The following PVT1 variants were observed in gnomAD, a reference collection of about 807,000 sequenced individuals.
PVT1 encodes CXCR4/PVT1 fusion.
At chr8:127,822,612 T>C (rs903837962) in intron 2 of PVT1, among the ~76,000 whole-genome samples, 3 of 151,926 alleles carry the variant, frequency 2.0e-5, no homozygotes, top group Admixed American at 6.6e-5. Context: ...TTCAATGCAG[T>C]GATTATTAGA....
intron 4 of PVT1, among the ~76,000 whole-genome samples, chr8:128,052,470 G>A (rs1191287703): frequency 1.3e-5 from 2 of 152,164 alleles, no homozygotes; most frequent in Non-Finnish European, 2.9e-5. Context: ...GCTCCACCCA[G>A]CTGCTGTAAT....
rs115703279 is a variant in PVT1, at chr8:128,037,770, G to T, written n.913-32390G>T. Among the ~76,000 whole-genome samples, 1,269 of 152,276 alleles carry T rather than the reference G, an allele frequency of 8.3e-3. 16 individuals carry two copies. The highest frequency in any genetic ancestry group is 0.029 in the African/African-American group (1,217 of 41,560). On this transcript the variant is annotated intron_variant and non_coding_transcript_variant, in intron 4 of 10. Coordinates refer to ENST00000651587, the Ensembl canonical transcript of PVT1. ...CCAGGTAAACACAAATGCTGCTCGC[G>T]TTGGTGGCTTAGAGCCCAGCAGCAC...
At chr8:127,983,509 G>GA (rs1012855955) in intron 3 of PVT1, among the ~76,000 whole-genome samples, 66 of 152,060 alleles carry the variant, frequency 4.3e-4, no homozygotes, top group African/African-American at 1.5e-3. Flanking sequence ...AAAACTTGCA[G>GA]AAAAAAATTA....
chr8:127,810,671 T>C (rs905781313), intron 2 of PVT1, among the ~76,000 whole-genome samples: 8 of 152,242 alleles, frequency 5.3e-5, no homozygotes. Flanking sequence ...ATGAAATGAT[T>C]CTTCCAGACT....
At chr8:128,047,578 C>A (rs1266939953) in intron 4 of PVT1, among the ~76,000 whole-genome samples, 2 of 152,194 alleles carry the variant, frequency 1.3e-5, no homozygotes, top group Non-Finnish European at 2.9e-5. Flanking sequence ...AAAAGCCAAG[C>A]TTAAAAAACA....
intron 3 of PVT1, among the ~76,000 whole-genome samples, chr8:127,914,755 G>T (rs1815960093): frequency 1.3e-5 from 2 of 150,890 alleles, no homozygotes; most frequent in South Asian, 4.2e-4. Flanking sequence ...ACAGAAAGCA[G>T]ATTAATGGTT....
chr8:127,993,199 T>G (rs1206627186), intron 4 of PVT1, among the ~76,000 whole-genome samples: 2 of 152,254 alleles, frequency 1.3e-5, no homozygotes, highest in Non-Finnish European at 2.9e-5. Context: ...GAAGGATTAG[T>G]AAGTCTAGGG....
intron 3 of PVT1, among the ~76,000 whole-genome samples, chr8:127,984,905 CTTTCTTTCT>C (rs757111740): frequency 2.1e-5 from 2 of 96,206 alleles, no homozygotes; most frequent in African/African-American, 3.8e-5. Context: ...TTCTTTCTTT[CTTTCTTTCT>C]TTCTTTCTCT....
At chr8:127,889,367 G>A (rs1586423168) in intron 2 of PVT1, among the ~76,000 whole-genome samples, 2 of 151,844 alleles carry the variant, frequency 1.3e-5, no homozygotes, top group Non-Finnish European at 2.9e-5. Context: ...TGGCCTCAAG[G>A]GATCCACCAG....
At chr8:128,078,474 T>C (rs929983542) in intron 5 of PVT1, among the ~76,000 whole-genome samples, 2 of 152,234 alleles carry the variant, frequency 1.3e-5, no homozygotes, top group Non-Finnish European at 2.9e-5. Flanking sequence ...CGACTTTGAG[T>C]GGGTTAGCCC....
intron 4 of PVT1, among the ~76,000 whole-genome samples, chr8:128,030,319 C>A (rs1163296000): frequency 6.6e-6 from 1 of 152,040 alleles, no homozygotes; most frequent in Admixed American, 6.5e-5. Context: ...ATATATATTT[C>A]ATTTCATATT....
chr8:127,929,579 A>T lies in PVT1; in HGVS notation n.782+38581A>T, dbSNP rs1444145249. On this transcript the variant is annotated intron_variant and non_coding_transcript_variant, in intron 3 of 10. Coordinates refer to ENST00000651587, the Ensembl canonical transcript of PVT1. ...CAGGAGATCGAGACCATCCTGGCTA[A>T]CACGGTGAAACCCCGTCTCTACTAA... 2.6e-5 allele frequency among the ~76,000 whole-genome samples: 4 copies of T among 152,236 alleles called. No homozygotes were observed. In the East Asian group the frequency reaches 7.7e-4, roughly 29 times the overall value.
chr8:128,088,451 G>A (rs1814286253), intron 5 of PVT1, among the ~76,000 whole-genome samples: 2 of 152,162 alleles, frequency 1.3e-5, no homozygotes. Context: ...TGGGGCAGGG[G>A]TTGGGGGATG....
At chr8:127,838,880 A>G (rs1483191960) in intron 2 of PVT1, among the ~76,000 whole-genome samples, 1 of 152,200 alleles carries the variant, frequency 6.6e-6, no homozygotes, top group Non-Finnish European at 1.5e-5. Flanking sequence ...CGTATATACA[A>G]CGGTGGCCCT....
chr8:127,969,783 A>G (rs183614336), intron 3 of PVT1, among the ~76,000 whole-genome samples: 3 of 152,262 alleles, frequency 2.0e-5, no homozygotes, highest in Admixed American at 2.0e-4. Flanking sequence ...GAGACTCAGA[A>G]ATAAGAAACT....
intron 2 of PVT1, among the ~76,000 whole-genome samples, chr8:127,853,464 G>A (rs961442101): frequency 2.0e-5 from 3 of 152,098 alleles, no homozygotes; most frequent in South Asian, 2.1e-4. Context: ...TGTTGGGCAC[G>A]TGGTCGTAAC....
At chr8:127,922,066 G>A (rs187487394) in intron 3 of PVT1, among the ~76,000 whole-genome samples, 2 of 151,586 alleles carry the variant, frequency 1.3e-5, no homozygotes, top group African/African-American at 4.8e-5. Context: ...TCACCATATT[G>A]GTCAGACTGG....
chr8:127,841,558 G>A lies in PVT1; in HGVS notation n.372+45487G>A, dbSNP rs1814975159. Among the ~76,000 whole-genome samples, 4 of 152,120 alleles carry A rather than the reference G, an allele frequency of 2.6e-5. No individual in the cohort carries two copies. In the South Asian group the frequency reaches 8.3e-4, roughly 32 times the overall value. On this transcript the variant is annotated intron_variant and non_coding_transcript_variant, in intron 2 of 10. Coordinates refer to ENST00000651587, the Ensembl canonical transcript of PVT1. ...TTATAGGCGTGAGCCACCACATGTG[G>A]CTTATTAGCTCCATTTTATAGGAGG...
Position 127,967,006 on chromosome 8 carries a change from A to G in PVT1, n.783-22156A>G, listed in dbSNP as rs559635206. Among the ~76,000 whole-genome samples, 3 of 152,222 alleles carry G rather than the reference A, an allele frequency of 2.0e-5. No homozygotes were observed. The South Asian group carries it at 6.2e-4, about 32-fold the overall frequency. On this transcript the variant is annotated intron_variant and non_coding_transcript_variant, in intron 3 of 10. Coordinates refer to ENST00000651587, the Ensembl canonical transcript of PVT1. ...CCTGAGCCCTAGGCCCCTTTGCCCCAGAAAGGAAAATCCCGAGGAGGCAGC... is the reference window on the plus strand; with the variant it reads ...CCTGAGCCCTAGGCCCCTTTGCCCCGGAAAGGAAAATCCCGAGGAGGCAGC...
Sources: allele counts gnomAD v4.1 joint callset (sites outside exome capture counted in the v4.1 genomes callset), GRCh38; gene constraint gnomAD v4.1.1; transcripts MANE v1.5; gene names NCBI Gene and HGNC (gene_info 2026-07-23, HGNC 2026-07-21).